STPG2: variants seen among roughly 807,000 people sequenced by gnomAD.
The protein encoded by STPG2 is sperm tail PG-rich repeat containing 2, also known as sperm-tail PG-rich repeat-containing protein 2.
A neutral mutation model predicts 54.2 loss-of-function variants in STPG2; 56 were observed. The observed-to-expected ratio is 1.03, with a 90% CI of 0.83 to 1.29. STPG2 has a LOEUF of 1.29. Ranked by LOEUF, STPG2 falls within the 50% of genes most tolerant of loss-of-function variation. The pLI, the probability that STPG2 is intolerant of heterozygous loss-of-function variation, is 0.00. For synonymous variants in STPG2, 200 were observed against 181.8 expected (o/e 1.10, Z -0.81); for missense variants, 596 against 544.9 (o/e 1.09, Z -0.93).
intron 8 of STPG2, among the ~76,000 whole-genome samples, chr4:97,893,874 C>A (rs1209564958): frequency 1.3e-5 from 2 of 151,878 alleles, no homozygotes; most frequent in African/African-American, 4.8e-5. Flanking sequence ...TTGTCTGAGT[C>A]CCCTAAAATC....
At chr4:97,545,787 T>C (rs1731822058) in intron 4 of STPG2, among the ~76,000 whole-genome samples, 2 of 152,132 alleles carry the variant, frequency 1.3e-5, no homozygotes, top group Non-Finnish European at 1.5e-5. Flanking sequence ...ATAAAATCCA[T>C]TTAAAATATG....
chr4:97,506,046 A>AAG (rs1730837381), intron 4 of STPG2, among the ~76,000 whole-genome samples: 1 of 148,768 alleles, frequency 6.7e-6, no homozygotes, highest in Admixed American at 6.7e-5. Context: ...AAAAAAAAAA[A>AAG]GGCTTCAGAC....
At chr4:97,854,174 A>C (rs1729256459) in intron 8 of STPG2, among the ~76,000 whole-genome samples, 1 of 152,176 alleles carries the variant, frequency 6.6e-6, no homozygotes, top group Admixed American at 6.5e-5. Context: ...AAACATTTAT[A>C]GTCTTTCCTA....
intron 8 of STPG2, among the ~76,000 whole-genome samples, chr4:97,937,825 G>A (rs188488823): frequency 7.0e-4 from 107 of 152,300 alleles, no homozygotes; most frequent in African/African-American, 2.4e-3. Flanking sequence ...TGTATATGGT[G>A]TCTGCTGACC....
chr4:97,474,327 G>T (rs1730019002), intron 4 of STPG2, among the ~76,000 whole-genome samples: 1 of 151,988 alleles, frequency 6.6e-6, no homozygotes, highest in Non-Finnish European at 1.5e-5. Flanking sequence ...CCATTTCATT[G>T]TTAAAAGCAA....
intron 4 of STPG2, among the ~76,000 whole-genome samples, chr4:97,544,387 G>A (rs959426810): frequency 2.6e-5 from 4 of 151,934 alleles, no homozygotes; most frequent in African/African-American, 9.7e-5. Context: ...TGGATTAAGT[G>A]ATTTAAAAAA....
At chr4:97,550,986 A>G (rs1485850204) in intron 4 of STPG2, among the ~76,000 whole-genome samples, 1 of 151,946 alleles carries the variant, frequency 6.6e-6, no homozygotes, top group Non-Finnish European at 1.5e-5. Context: ...CGAAGAAGGA[A>G]AGAACAAACC....
Position 97,811,434 on chromosome 4 carries a change from T to A in STPG2, c.1204+29339A>T, listed in dbSNP as rs866115933. Among the ~76,000 whole-genome samples the A allele has an allele frequency of 2.0e-5, 3 of 152,288 alleles. No individual in the cohort carries two copies. The Middle Eastern group carries it at 0.01, about 518-fold the overall frequency. Reference sequence around the variant, plus strand: ...CAAACATTTTTATTTTTTAAGGGCATTGTTCTTTCTAGTTCATTTCTTTTT... The same window carrying A: ...CAAACATTTTTATTTTTTAAGGGCAATGTTCTTTCTAGTTCATTTCTTTTT... On this transcript the variant is annotated intron_variant, in intron 9 of 10. Coordinates refer to ENST00000295268, the MANE Select transcript of STPG2 (RefSeq NM_174952.3).
intron 7 of STPG2, among the ~76,000 whole-genome samples, chr4:97,956,329 T>C (rs1372523950): frequency 6.6e-6 from 1 of 152,080 alleles, no homozygotes; most frequent in East Asian, 1.9e-4. Context: ...AAATAAAATA[T>C]TTGATTAATA....
At chr4:97,449,419 C>T (rs1180185295) in intron 4 of STPG2, among the ~76,000 whole-genome samples, 3 of 152,130 alleles carry the variant, frequency 2.0e-5, no homozygotes, top group Non-Finnish European at 4.4e-5. Flanking sequence ...CACCATTCAA[C>T]ATATCAATGA....
chr4:98,105,540 T>C (rs780041269), intron 5 of STPG2, among the ~76,000 whole-genome samples: 4 of 152,160 alleles, frequency 2.6e-5, no homozygotes, highest in Non-Finnish European at 5.9e-5. Context: ...GAAATGGGAC[T>C]GGGTCCAGGA....
intron 8 of STPG2, chr4:97,893,025 T>C (rs1388366384): frequency 6.6e-6 from 1 of 152,128 alleles, no homozygotes; most frequent in Non-Finnish European, 1.5e-5. Context: ...GATCAAATTA[T>C]TCATGTCTGA....
chr4:97,869,626 ATATAAG>A (rs1319627499), intron 8 of STPG2, among the ~76,000 whole-genome samples: 1 of 151,640 alleles, frequency 6.6e-6, no homozygotes, highest in African/African-American at 2.4e-5. Flanking sequence ...CCTTAAACTT[ATATAAG>A]TCTACTCAGC....
chr4:97,756,261 T>C (rs1725728968), intron 9 of STPG2, among the ~76,000 whole-genome samples: 1 of 152,162 alleles, frequency 6.6e-6, no homozygotes, highest in Admixed American at 6.6e-5. Context: ...AGAGAAAAAA[T>C]GAGATTGCGT....
intron 8 of STPG2, among the ~76,000 whole-genome samples, chr4:97,919,338 T>A (rs924679686): frequency 1.3e-5 from 2 of 149,886 alleles, no homozygotes; most frequent in African/African-American, 2.5e-5. Flanking sequence ...AGAAAAAATA[T>A]AAAGAAATAG....
intron 10 of STPG2, among the ~76,000 whole-genome samples, chr4:97,621,698 A>C (rs563432779): frequency 4.9e-4 from 74 of 152,164 alleles, no homozygotes; most frequent in Admixed American, 1.1e-3. Context: ...CTACTAATGT[A>C]TAAAGAAGAG....
intron 10 of STPG2, among the ~76,000 whole-genome samples, chr4:97,578,570 C>T (rs548115980): frequency 1.3e-5 from 2 of 150,956 alleles, no homozygotes; most frequent in African/African-American, 4.9e-5. Context: ...GAATTGGAGA[C>T]TTACTTGGTG....
intron 8 of STPG2, among the ~76,000 whole-genome samples, chr4:97,895,982 A>G (rs1044619393): frequency 1.3e-5 from 2 of 151,850 alleles, no homozygotes; most frequent in Non-Finnish European, 3.0e-5. Flanking sequence ...AGAAGAAAGT[A>G]AAGAGGCTTC....
At chr4:98,024,021 A>C (rs1432962061) in intron 5 of STPG2, among the ~76,000 whole-genome samples, 2 of 152,054 alleles carry the variant, frequency 1.3e-5, no homozygotes, top group Non-Finnish European at 2.9e-5. Context: ...GCCTGCGCAC[A>C]GTTCGCTGCA....
Sources: gnomAD v4.1 joint callset for allele counts (sites outside exome capture counted in the v4.1 genomes callset) on GRCh38, gnomAD v4.1.1 for gene constraint, MANE v1.5 for transcripts, NCBI Gene and HGNC (gene_info 2026-07-23, HGNC 2026-07-21) for gene names.